The following ATP2C2 variants were observed in gnomAD, a reference collection of about 807,000 sequenced individuals.
The protein encoded by ATP2C2 is calcium-transporting ATPase type 2C member 2.
ATP2C2 carries 171 observed loss-of-function variants against 110.8 expected under a neutral mutation model. That is an observed-to-expected ratio of 1.54 (90% CI 1.36 to 1.75). ATP2C2 has a LOEUF of 1.75. Among genes scored for constraint, ATP2C2 ranks in the 40% most tolerant of loss-of-function variants. The pLI is 0.00. For synonymous variants in ATP2C2, 804 were observed against 508.4 expected (o/e 1.58, Z -7.82); for missense variants, 1,963 against 1,235.0 (o/e 1.59, Z -8.84).
intron 1 of ATP2C2, among the ~76,000 whole-genome samples, chr16:84,369,402 C>T (rs1248754587): frequency 1.7e-5 from 1 of 59,278 alleles, no homozygotes; most frequent in Admixed American, 2.2e-4. Flanking sequence ...ACCCAACACC[C>T]TTCTTTTTAG....
chr16:84,447,018 C>A (rs1567732827), intron 16 of ATP2C2, among the ~76,000 whole-genome samples: 1 of 152,170 alleles, frequency 6.6e-6, no homozygotes, highest in Non-Finnish European at 1.5e-5. Context: ...CAAGCTATGG[C>A]CACCCCGGGT....
At chr16:84,460,494 G>C (rs573670032) in intron 23 of ATP2C2, 160 bp from the exon 24 acceptor site, 2 of 944,186 alleles carry the variant, frequency 2.1e-6, no homozygotes, top group Admixed American at 3.6e-5. Flanking sequence ...GCTTCTGGAA[G>C]GTGCCGAGGA....
intron 1 of ATP2C2, among the ~76,000 whole-genome samples, chr16:84,383,248 A>G (rs1910689141): frequency 6.6e-6 from 1 of 152,186 alleles, no homozygotes; most frequent in South Asian, 2.1e-4. Context: ...GTGTGTCTAG[A>G]GGCAGACAGG....
chr16:84,373,473 C>T (rs1389780644), intron 1 of ATP2C2, among the ~76,000 whole-genome samples: 5 of 151,746 alleles, frequency 3.3e-5, no homozygotes, highest in African/African-American at 1.2e-4. Flanking sequence ...ACACTCCAGC[C>T]TGGGTGACAG....
At chr16:84,411,497 A>C (rs1479794028) in intron 6 of ATP2C2, among the ~76,000 whole-genome samples, 1 of 152,212 alleles carries the variant, frequency 6.6e-6, no homozygotes, top group Non-Finnish European at 1.5e-5. Context: ...GCTGGAGTGC[A>C]GTGGCACAAT....
chr16:84,409,344 A>G (rs911468256), intron 4 of ATP2C2, among the ~76,000 whole-genome samples: 10 of 152,180 alleles, frequency 6.6e-5, no homozygotes, highest in African/African-American at 2.4e-4. Context: ...AGAAATACCT[A>G]ATGTAAATGA....
At chr16:84,439,928 G>A (rs567641500) in intron 13 of ATP2C2, among the ~76,000 whole-genome samples, 76 of 152,254 alleles carry the variant, frequency 5.0e-4, no homozygotes, top group African/African-American at 7.2e-4. Context: ...TTCACTTCTC[G>A]GGTTCAAGCG....
At chr16:84,448,435 C>A in intron 16 of ATP2C2, 98 bp from the exon 17 acceptor site, 1 of 1,395,318 alleles carries the variant, frequency 7.2e-7, no homozygotes, top group South Asian at 1.4e-5. Context: ...GCAAAGATCC[C>A]CGTGTGTGTC....
At chr16:84,373,120 A>G (rs1227272539) in intron 1 of ATP2C2, among the ~76,000 whole-genome samples, 3 of 58,876 alleles carry the variant, frequency 5.1e-5, no homozygotes, top group African/African-American at 1.0e-4. Flanking sequence ...ACTCCCTCTC[A>G]AAAAAAAAAA....
intron 21 of ATP2C2, among the ~76,000 whole-genome samples, chr16:84,455,713 C>G (rs1275918131): frequency 6.6e-6 from 1 of 150,956 alleles, no homozygotes; most frequent in East Asian, 2.0e-4. Context: ...AAAGGTGTCT[C>G]CACAGTTGAT....
At chr16:84,438,622 G>T (rs150233384) in intron 11 of ATP2C2, among the ~76,000 whole-genome samples, 50 of 152,160 alleles carry the variant, frequency 3.3e-4, no homozygotes, top group Non-Finnish European at 6.5e-4. Context: ...AAAGAAGTGA[G>T]CAGACACCCC....
At chr16:84,441,731 G>GC (rs1597843262) in intron 14 of ATP2C2, among the ~76,000 whole-genome samples, 1 of 152,192 alleles carries the variant, frequency 6.6e-6, no homozygotes, top group African/African-American at 2.4e-5. Flanking sequence ...GACCAGCCTG[G>GC]CCCACGTGGT....
chr16:84,459,607 T>G (rs1304457214), intron 23 of ATP2C2: 1 of 1,532,322 alleles, frequency 6.5e-7, no homozygotes, highest in Non-Finnish European at 8.7e-7. Flanking sequence ...GGATGGAACT[T>G]TCTGCTCCCT....
chr16:84,404,027 C>G (rs775632614), intron 2 of ATP2C2, among the ~76,000 whole-genome samples: 1 of 152,180 alleles, frequency 6.6e-6, no homozygotes, highest in Non-Finnish European at 1.5e-5. Context: ...GATGAAGAGA[C>G]GCATAGGGCA....
Position 84,423,339 on chromosome 16 carries a change from T to C in ATP2C2, c.919+76T>C, listed in dbSNP as rs1282391856. On this transcript the variant is annotated intron_variant, in intron 10 of 26. Coordinates refer to ENST00000262429, the MANE Select transcript of ATP2C2 (RefSeq NM_014861.4). ...CATCATAGGGGGGTTGCCATGGCCG[T>C]TTCTCAAATATCTTGCTACTCAGCT... 3 of 1,375,976 alleles carry C rather than the reference T, an allele frequency of 2.2e-6. No individual in the cohort carries two copies. The Admixed American group carries it at 5.2e-5, about 24-fold the overall frequency. The allele number at this position is 1,375,976 out of a possible 1,614,324, so 85.2% of individuals were successfully genotyped here. A position where few individuals can be genotyped will look rare whatever the true frequency, so the allele number is the denominator to read the frequency against.
At chr16:84,383,734 TCTG>T (rs1910721432) in intron 1 of ATP2C2, among the ~76,000 whole-genome samples, 1 of 145,290 alleles carries the variant, frequency 6.9e-6, no homozygotes, top group South Asian at 2.4e-4. Flanking sequence ...TCTGAATACA[TCTG>T]TGTGTGTGTG....
chr16:84,443,552 G>C (rs1439645739), intron 15 of ATP2C2, among the ~76,000 whole-genome samples: 4 of 152,080 alleles, frequency 2.6e-5, no homozygotes, highest in Admixed American at 2.0e-4. Context: ...CTTCCTCCTG[G>C]ACTTTGACCA....
chr16:84,385,961 T>C (rs1030371961), intron 1 of ATP2C2, among the ~76,000 whole-genome samples: 2 of 152,260 alleles, frequency 1.3e-5, no homozygotes, highest in African/African-American at 4.8e-5. Context: ...GATTTGTTAC[T>C]ATCAATATTT....
At chr16:84,434,813 C>T (rs1331453041) in intron 11 of ATP2C2, among the ~76,000 whole-genome samples, 1 of 152,168 alleles carries the variant, frequency 6.6e-6, no homozygotes, top group African/African-American at 2.4e-5. Context: ...CCACCACACC[C>T]GGCCCATTCT....
Sources: gnomAD v4.1 joint callset for allele counts (sites outside exome capture counted in the v4.1 genomes callset) on GRCh38, gnomAD v4.1.1 for gene constraint, MANE v1.5 for transcripts, NCBI Gene and HGNC (gene_info 2026-07-23, HGNC 2026-07-21) for gene names.